The following GALNT10 variants were observed in gnomAD, a reference collection of about 807,000 sequenced individuals.
GALNT10 encodes GalNAc transferase 10.
GALNT10 carries 41 observed loss-of-function variants against 75.0 expected under a neutral mutation model. That is an observed-to-expected ratio of 0.55 (90% CI 0.43 to 0.71). GALNT10 has a LOEUF of 0.71. GALNT10 is among the 30% of genes least tolerant of loss of function. The pLI is 0.00. For missense variants in GALNT10, 727 were observed against 818.5 expected, an observed-to-expected ratio of 0.89 and a Z score of 1.36; for synonymous variants, 302 against 313.0, an observed-to-expected ratio of 0.96 and a Z score of 0.37.
intron 4 of GALNT10, among the ~76,000 whole-genome samples, chr5:154,358,982 G>C (rs571550949): frequency 6.6e-6 from 1 of 152,340 alleles, no homozygotes; most frequent in African/African-American, 2.4e-5. Context: ...TTCTGCCTGT[G>C]TGTGTATGAG....
At chr5:154,344,787 A>G (rs1434549165) in intron 4 of GALNT10, among the ~76,000 whole-genome samples, 1 of 152,170 alleles carries the variant, frequency 6.6e-6, no homozygotes, top group Non-Finnish European at 1.5e-5. Flanking sequence ...GAATTTCTGC[A>G]CTGTTTTCAG....
chr5:154,208,782 T>A (rs1162531056), intron 1 of GALNT10, among the ~76,000 whole-genome samples: 3 of 152,158 alleles, frequency 2.0e-5, no homozygotes, highest in Non-Finnish European at 4.4e-5. Flanking sequence ...AACAGGAGAT[T>A]AGAGCGATGA....
chr5:154,398,233 C>T lies in GALNT10; in HGVS notation c.1057-5871C>T, dbSNP rs959208222. 8.5e-5 allele frequency among the ~76,000 whole-genome samples: 13 copies of T among 152,262 alleles called. 1 individual carries two copies. The South Asian group carries it at 1.2e-3, about 15-fold the overall frequency. On this transcript the variant is annotated intron_variant, in intron 7 of 11. Transcript: ENST00000297107. ...CGGTGGAGCAGCAAGGGACCCAGAG[C>T]AGACAGCTGCATCCCCCTACAGGGG...
intron 3 of GALNT10, among the ~76,000 whole-genome samples, chr5:154,305,906 T>C (rs1448967109): frequency 1.3e-5 from 2 of 151,984 alleles, no homozygotes; most frequent in East Asian, 1.9e-4. Flanking sequence ...TAATCCCAAC[T>C]ACTCAGGAAG....
At chr5:154,396,632 G>A (rs1756024222) in intron 7 of GALNT10, among the ~76,000 whole-genome samples, 1 of 152,212 alleles carries the variant, frequency 6.6e-6, no homozygotes, top group Non-Finnish European at 1.5e-5. Context: ...GTTTCCTCAT[G>A]TGTAAAGGGT....
chr5:154,289,506 A>T (rs948008191), intron 1 of GALNT10, among the ~76,000 whole-genome samples: 1 of 152,196 alleles, frequency 6.6e-6, no homozygotes, highest in Non-Finnish European at 1.5e-5. Context: ...CAAGAAGCTT[A>T]CAGTCTATTC....
chr5:154,409,509 G>T lies in GALNT10; in HGVS notation c.1165-32G>T. 6.9e-7 allele frequency: 1 copy of T among 1,442,438 alleles called. No homozygotes were observed. The highest frequency in any genetic ancestry group is 1.4e-5 in the African/African-American group (1 of 71,718). 89.4% of individuals were successfully genotyped at this position (1,442,438 alleles called of 1,614,324 possible). On this transcript the variant is annotated intron_variant, in intron 8 of 11. Coordinates refer to ENST00000297107, the MANE Select transcript of GALNT10 (RefSeq NM_198321.4). The surrounding 1 kb of genome is among the most constrained non-coding windows in gnomAD (Gnocchi z 4.5). ...CTGCCTGGCTTTGGCTTCTTGGAAA[G>T]ACTGACCCCTCCATTGCTTCTTGCC...
chr5:154,377,568 C>G (rs1755676151), intron 5 of GALNT10, among the ~76,000 whole-genome samples: 1 of 152,166 alleles, frequency 6.6e-6, no homozygotes, highest in Non-Finnish European at 1.5e-5. Context: ...TCCAGTGATG[C>G]CAGTGTTGCT....
intron 3 of GALNT10, among the ~76,000 whole-genome samples, chr5:154,309,658 A>G (rs1754483305): frequency 6.6e-6 from 1 of 152,212 alleles, no homozygotes; most frequent in South Asian, 2.1e-4. Flanking sequence ...GAGAGAAGCC[A>G]AGGATAATGC....
At chr5:154,277,867 GTTC>G (rs376487918) in intron 1 of GALNT10, among the ~76,000 whole-genome samples, 16 of 152,284 alleles carry the variant, frequency 1.1e-4, no homozygotes, top group Non-Finnish European at 1.6e-4. Flanking sequence ...AGAATTTGTG[GTTC>G]TTCTCCCAGG....
intron 4 of GALNT10, among the ~76,000 whole-genome samples, chr5:154,370,628 G>A (rs1462609675): frequency 1.3e-5 from 2 of 152,126 alleles, no homozygotes; most frequent in African/African-American, 4.8e-5. Context: ...GTAAGGGAGG[G>A]AGCATCGTTG....
At position 154,329,701 on chromosome 5, in the gene GALNT10, C is replaced by T. The variant is rs144002342; in HGVS notation, c.531C>T (p.Val177=). ...SVLNRSPPEL[V]AEIVLVDDFS... is the part of the protein sequence containing the mutation. ...TCAATCGCTCGCCTCCAGAGCTGGT[C>T]GCCGAGATTGTACTGGTCGACGACT... The change falls in exon 4 of 12, where the codon GTC becomes GTT. Residue 177 remains valine, a synonymous_variant. Transcript: ENST00000297107. The T allele has an allele frequency of 6.0e-5, 97 of 1,613,570 alleles. No homozygotes were observed. The highest frequency in any genetic ancestry group is 6.9e-5 in the Non-Finnish European group (81 of 1,179,654).
chr5:154,300,954 G>T (rs931539432), intron 3 of GALNT10, among the ~76,000 whole-genome samples: 1 of 152,242 alleles, frequency 6.6e-6, no homozygotes, highest in Non-Finnish European at 1.5e-5. Context: ...GGTAGAGAGA[G>T]TGGCCTGGCC....
chr5:154,388,767 A>G (rs1035667914), intron 7 of GALNT10: 5 of 150,940 alleles, frequency 3.3e-5, no homozygotes, highest in African/African-American at 9.8e-5. Context: ...TAATGGAATT[A>G]ATAACAATCT....
chr5:154,261,883 C>T (rs1234871822), intron 1 of GALNT10, among the ~76,000 whole-genome samples: 1 of 152,108 alleles, frequency 6.6e-6, no homozygotes, highest in East Asian at 1.9e-4. Context: ...GATTATTGCC[C>T]CAGAATGAAT....
intron 1 of GALNT10, among the ~76,000 whole-genome samples, chr5:154,273,805 A>G (rs1428798310): frequency 6.6e-6 from 1 of 152,216 alleles, no homozygotes; most frequent in Non-Finnish European, 1.5e-5. Flanking sequence ...GGATTAGATC[A>G]TTGGTTTTCA....
At chr5:154,340,904 A>G (rs866159518) in intron 4 of GALNT10, among the ~76,000 whole-genome samples, 3 of 152,254 alleles carry the variant, frequency 2.0e-5, no homozygotes, top group Non-Finnish European at 4.4e-5. Flanking sequence ...AAGAAGGCCA[A>G]ATATACACAT....
At chr5:154,381,915 G>A (rs554893308) in intron 6 of GALNT10, among the ~76,000 whole-genome samples, 1 of 152,148 alleles carries the variant, frequency 6.6e-6, no homozygotes, top group South Asian at 2.1e-4. Context: ...CATCAGGCTC[G>A]CCAAGATAAC....
chr5:154,206,421 CT>C (rs1561628259), intron 1 of GALNT10, among the ~76,000 whole-genome samples: 3 of 152,188 alleles, frequency 2.0e-5, no homozygotes, highest in Non-Finnish European at 4.4e-5. Flanking sequence ...AAAACAGCCG[CT>C]GCCTTGAGAG....
Sources: gnomAD v4.1 joint callset for allele counts (sites outside exome capture counted in the v4.1 genomes callset) on GRCh38, gnomAD v4.1.1 for gene constraint, Gnocchi (gnomAD v3.1) non-coding constraint, MANE v1.5 for transcripts, NCBI Gene and HGNC (gene_info 2026-07-23, HGNC 2026-07-21) for gene names.